Variants in ENOX2 observed in about 807,000 individuals in gnomAD.
ENOX2 encodes ecto-NOX disulfide-thiol exchanger 2, also known as APK1 antigen.
In ENOX2, 36 loss-of-function variants were observed where a neutral mutation model predicts 45.0. The ratio of observed to expected loss-of-function variants is 0.80; its 90% CI spans 0.61 to 1.06. ENOX2 has a LOEUF of 1.06. ENOX2 is among the 50% of genes least tolerant of loss of function. The pLI, the probability that ENOX2 is intolerant of heterozygous loss-of-function variation, is 0.00. For synonymous variants in ENOX2, 174 were observed against 152.3 expected (o/e 1.14, Z -1.05); for missense variants, 423 against 462.5 (o/e 0.91, Z 0.78).
chrX:130,893,309 T>C (rs750201741), intron 2 of ENOX2, among the ~76,000 whole-genome samples: 16 of 111,903 alleles, frequency 1.4e-4, no homozygotes, highest in African/African-American at 4.5e-4. Flanking sequence ...AGTAGAGATA[T>C]TGGAAACAAT....
At chrX:130,841,368 A>G in intron 2 of ENOX2, among the ~76,000 whole-genome samples, 1 of 112,103 alleles carries the variant, frequency 8.9e-6, no homozygotes, top group East Asian at 2.8e-4. Flanking sequence ...GAAACCTTGG[A>G]TTACCACAGC....
chrX:130,870,853 C>T lies in ENOX2; in HGVS notation c.-183+30831G>A, dbSNP rs1357185758. Among the ~76,000 whole-genome samples the T allele has an allele frequency of 3.5e-5, 3 of 85,238 alleles. No individual in the cohort carries two copies. The East Asian group carries it at 1.3e-3, about 38-fold the overall frequency. The allele number at this position is 85,238 out of a possible 115,157, so 74.0% of individuals were successfully genotyped here. A position where few individuals can be genotyped will look rare whatever the true frequency, so the allele number is the denominator to read the frequency against. On this transcript the variant is annotated intron_variant, in intron 2 of 14. Transcript: ENST00000394363. ...ACTATTGGGCTTGCCAGGTATAGAT[C>T]TTTGAATATTTGGGAAACAAGTGAG... is the stretch of plus-strand genomic sequence containing the variant.
chrX:130,792,034 T>C (rs1362118548), intron 2 of ENOX2, among the ~76,000 whole-genome samples: 1 of 112,278 alleles, frequency 8.9e-6, no homozygotes, highest in Non-Finnish European at 1.9e-5. Context: ...ATGTCTTTGA[T>C]ATGTGGTACA....
intron 3 of ENOX2, among the ~76,000 whole-genome samples, chrX:130,718,855 G>C (rs1188595681): frequency 8.9e-6 from 1 of 111,894 alleles, no homozygotes; most frequent in Non-Finnish European, 1.9e-5. Flanking sequence ...AGTTGTGTTT[G>C]CTCTGGTCTA....
At chrX:130,644,149 A>C (rs373418689) in intron 10 of ENOX2, among the ~76,000 whole-genome samples, 6 of 112,524 alleles carry the variant, frequency 5.3e-5, no homozygotes, top group African/African-American at 1.9e-4. Context: ...TGAAAATGAA[A>C]ATACAAATTA....
intron 5 of ENOX2, among the ~76,000 whole-genome samples, chrX:130,687,397 G>C (rs1603306132): frequency 8.9e-6 from 1 of 112,569 alleles, no homozygotes; most frequent in East Asian, 2.8e-4. Context: ...CAGTGCCTAA[G>C]TTCATGGCTT....
intron 2 of ENOX2, among the ~76,000 whole-genome samples, chrX:130,785,156 T>C (rs2076950154): frequency 9.3e-6 from 1 of 107,884 alleles, no homozygotes; most frequent in African/African-American, 3.4e-5. Flanking sequence ...AGAAACCCCG[T>C]CTGTACTAAA....
intron 3 of ENOX2, among the ~76,000 whole-genome samples, chrX:130,741,894 C>G (rs1027372676): frequency 8.9e-6 from 1 of 112,033 alleles, no homozygotes; most frequent in Non-Finnish European, 1.9e-5. Flanking sequence ...CCTGTTAACT[C>G]TGGGTAGCTC....
chrX:130,628,821 G>A (rs2035616993), intron 13 of ENOX2, among the ~76,000 whole-genome samples: 2 of 111,511 alleles, frequency 1.8e-5, no homozygotes, highest in Non-Finnish European at 1.9e-5. Context: ...TGGCCATTAG[G>A]TTAATTGTTT....
intron 3 of ENOX2, among the ~76,000 whole-genome samples, chrX:130,723,169 A>G (rs2038523109): frequency 1.8e-5 from 2 of 112,258 alleles, no homozygotes; most frequent in African/African-American, 6.5e-5. Context: ...AAGAAAGCTA[A>G]TGGATACCAA....
chrX:130,647,873 T>G (rs2036281419), intron 10 of ENOX2, among the ~76,000 whole-genome samples: 1 of 111,141 alleles, frequency 9.0e-6, no homozygotes, highest in African/African-American at 3.3e-5. Flanking sequence ...CCCAAAATAA[T>G]TTGCCTCCCT....
At chrX:130,760,479 C>T (rs1200991428) in intron 3 of ENOX2, among the ~76,000 whole-genome samples, 2 of 110,337 alleles carry the variant, frequency 1.8e-5, no homozygotes, top group Admixed American at 1.9e-4. Flanking sequence ...GCTGTAGGTG[C>T]TTTGTGAATT....
chrX:130,674,400 C>T (rs999344620), intron 6 of ENOX2, among the ~76,000 whole-genome samples: 14 of 106,693 alleles, frequency 1.3e-4, no homozygotes, highest in African/African-American at 3.8e-4. Context: ...CAGTGAGCTG[C>T]GAGACAACTT....
intron 9 of ENOX2, among the ~76,000 whole-genome samples, chrX:130,660,878 A>T (rs1235596017): frequency 8.9e-6 from 1 of 112,303 alleles, no homozygotes; most frequent in Non-Finnish European, 1.9e-5. Flanking sequence ...GTCTGATCTA[A>T]TGATAACTTT....
rs2077957464 is a variant in ENOX2 at position 130,838,124 on chromosome X, T to C, written c.-182-54434A>G. ...ATCCTGGCATGATGGCTCATGCCTG[T>C]AACCCCAGCACTTTGGGAGGCTGAA... On this transcript the variant is annotated intron_variant, in intron 2 of 14. Coordinates refer to ENST00000394363, the MANE Select transcript of ENOX2 (RefSeq NM_006375.4). 2.7e-5 allele frequency among the ~76,000 whole-genome samples: 3 copies of C among 112,304 alleles called. No homozygotes were observed. The Admixed American group carries it at 2.8e-4, about 11-fold the overall frequency.
At chrX:130,799,096 T>C (rs988123991) in intron 2 of ENOX2, among the ~76,000 whole-genome samples, 14 of 111,536 alleles carry the variant, frequency 1.3e-4, no homozygotes, top group Non-Finnish European at 2.5e-4. Context: ...TTTGAGTTAG[T>C]GGACTGGGAG....
At chrX:130,683,931 C>T (rs2037380090) in intron 5 of ENOX2, among the ~76,000 whole-genome samples, 1 of 111,829 alleles carries the variant, frequency 8.9e-6, no homozygotes, top group Non-Finnish European at 1.9e-5. Flanking sequence ...ACTTTTTAGA[C>T]CAGGTCTGAT....
Position 130,838,480 on chromosome X carries a change from G to A in ENOX2, c.-182-54790C>T, listed in dbSNP as rs761406826. ...AATAAGAAGAGATAATATACGCAAAGTGCCTGGCACAAAAGAGGTACTTAA... is the reference window on the plus strand; with the variant it reads ...AATAAGAAGAGATAATATACGCAAAATGCCTGGCACAAAAGAGGTACTTAA... On this transcript the variant is annotated intron_variant, in intron 2 of 14. Transcript: ENST00000394363. 5.4e-5 allele frequency among the ~76,000 whole-genome samples: 6 copies of A among 112,053 alleles called. No individual in the cohort carries two copies. In the South Asian group the frequency reaches 2.2e-3, roughly 42 times the overall value.
intron 2 of ENOX2, among the ~76,000 whole-genome samples, chrX:130,787,118 T>C (rs1430856665): frequency 9.3e-6 from 1 of 107,475 alleles, no homozygotes; most frequent in Admixed American, 1.0e-4. Flanking sequence ...AGATGATATC[T>C]CATAGTGGTT....
Sources: gnomAD v4.1 joint callset for allele counts (sites outside exome capture counted in the v4.1 genomes callset) on GRCh38, gnomAD v4.1.1 for gene constraint, MANE v1.5 for transcripts, NCBI Gene and HGNC (gene_info 2026-07-23, HGNC 2026-07-21) for gene names.